The following COG5 variants were observed in gnomAD, a reference collection of about 807,000 sequenced individuals.
COG5 encodes conserved oligomeric Golgi complex subunit 5.
In COG5, 86 loss-of-function variants were observed where a neutral mutation model predicts 110.4. That is an observed-to-expected ratio of 0.78 (90% CI 0.65 to 0.93). The LOEUF is 0.93. Ranked by LOEUF, COG5 falls within the 40% of genes least tolerant of loss-of-function variation. COG5 has a pLI of 0.00. For synonymous variants in COG5, 360 were observed against 334.6 expected (o/e 1.08, Z -0.83); for missense variants, 1,077 against 987.0 (o/e 1.09, Z -1.22).
chr7:107,288,975 T>G (rs1204338409), intron 12 of COG5, among the ~76,000 whole-genome samples: 3 of 137,040 alleles, frequency 2.2e-5, no homozygotes, highest in Non-Finnish European at 3.1e-5. Flanking sequence ...TAAAAATTTA[T>G]CTATATTTTT....
At chr7:107,508,664 T>C (rs1000126125) in intron 6 of COG5, among the ~76,000 whole-genome samples, 19 of 152,068 alleles carry the variant, frequency 1.2e-4, no homozygotes, top group African/African-American at 4.1e-4. Context: ...CACGGCCGGG[T>C]ACTCCTCTGA....
intron 11 of COG5, among the ~76,000 whole-genome samples, chr7:107,309,046 G>A (rs778359460): frequency 6.8e-6 from 1 of 147,456 alleles, no homozygotes; most frequent in Non-Finnish European, 1.5e-5. Flanking sequence ...CACAACATAA[G>A]TGATAAAGGG....
At chr7:107,557,559 A>G (rs750319626) in intron 2 of COG5, among the ~76,000 whole-genome samples, 15 of 152,368 alleles carry the variant, frequency 9.8e-5, no homozygotes, top group Non-Finnish European at 1.9e-4. Context: ...CCTACTCACA[A>G]TAACATTTAT....
chr7:107,477,327 GACT>G (rs1296558138), intron 6 of COG5, among the ~76,000 whole-genome samples: 1 of 151,414 alleles, frequency 6.6e-6, no homozygotes, highest in Non-Finnish European at 1.5e-5. Context: ...ATAAAAATTA[GACT>G]ATTTTTAGAA....
chr7:107,302,385 G>C (rs1277780696), intron 11 of COG5, among the ~76,000 whole-genome samples: 1 of 152,110 alleles, frequency 6.6e-6, no homozygotes, highest in African/African-American at 2.4e-5. Context: ...GGAGATAGTG[G>C]AGACAGTAAT....
intron 17 of COG5, among the ~76,000 whole-genome samples, 177 bp from the exon 18 acceptor site, chr7:107,236,864 TAC>T (rs1801234125): frequency 6.6e-6 from 1 of 152,230 alleles, no homozygotes; most frequent in Non-Finnish European, 1.5e-5. Flanking sequence ...GTTTAAAAAT[TAC>T]ATTTCAAAAA....
chr7:107,514,914 T>C (rs1051155951), intron 6 of COG5, among the ~76,000 whole-genome samples: 4 of 152,106 alleles, frequency 2.6e-5, no homozygotes, highest in Non-Finnish European at 4.4e-5. Flanking sequence ...CCATGGATAT[T>C]ATCATCATCA....
At chr7:107,433,351 A>G (rs1262369938) in intron 6 of COG5, among the ~76,000 whole-genome samples, 1 of 152,192 alleles carries the variant, frequency 6.6e-6, no homozygotes, top group African/African-American at 2.4e-5. Context: ...AACGCATCCT[A>G]AAATTCATAT....
intron 19 of COG5, among the ~76,000 whole-genome samples, chr7:107,217,965 C>T (rs551221309): frequency 3.8e-4 from 57 of 151,914 alleles, no homozygotes; most frequent in Non-Finnish European, 7.4e-4. Context: ...ATATCCAAAA[C>T]CAAAAAGATA....
intron 18 of COG5, among the ~76,000 whole-genome samples, chr7:107,232,180 G>T (rs1351270705): frequency 6.6e-6 from 1 of 152,122 alleles, no homozygotes; most frequent in African/African-American, 2.4e-5. Context: ...AAAATGTAAG[G>T]AAGAAAAAGG....
At chr7:107,547,157 A>G (rs1171270237) in intron 5 of COG5, among the ~76,000 whole-genome samples, 1 of 152,246 alleles carries the variant, frequency 6.6e-6, no homozygotes, top group African/African-American at 2.4e-5. Flanking sequence ...TCAGTAGCAC[A>G]TTAGAAGAAT....
intron 19 of COG5, among the ~76,000 whole-genome samples, chr7:107,217,752 A>T (rs1799626427): frequency 6.6e-6 from 1 of 152,304 alleles, no homozygotes; most frequent in South Asian, 2.1e-4. Context: ...TACAGCTAAC[A>T]TTATACTCAA....
chr7:107,311,370 A>ATT lies in COG5; in HGVS notation c.1109-13026_1109-13025dup, dbSNP rs71134260. Among the ~76,000 whole-genome samples, 189 of 58,972 alleles carry ATT rather than the reference A, an allele frequency of 3.2e-3. 16 individuals carry two copies. Among genetic ancestry groups the ATT allele is most frequent in the East Asian group, 0.032 (50 of 1,582 alleles). The allele number at this position is 58,972 out of a possible 152,430, so 38.7% of individuals were successfully genotyped here. ...TATAAGTGATATCGAGCGTATTTAC[A>ATT]TTTTTTTTTTTTTTTTTTTTTTTTT... On this transcript the variant is annotated intron_variant, in intron 11 of 21. Coordinates refer to ENST00000297135, the MANE Select transcript of COG5 (RefSeq NM_006348.5).
chr7:107,530,980 C>T (rs1584937988), intron 5 of COG5, among the ~76,000 whole-genome samples: 1 of 152,256 alleles, frequency 6.6e-6, no homozygotes, highest in Middle Eastern at 3.4e-3. Flanking sequence ...TACTCCCTCC[C>T]AATGCCATTA....
intron 11 of COG5, among the ~76,000 whole-genome samples, chr7:107,307,503 T>C (rs568672487): frequency 1.3e-5 from 2 of 152,326 alleles, no homozygotes; most frequent in South Asian, 2.1e-4. Flanking sequence ...CTTGTTTTTA[T>C]CTATATCCTG....
intron 9 of COG5, 62 bp downstream of exon 9, chr7:107,362,246 C>A (rs774389948): frequency 2.8e-5 from 40 of 1,444,534 alleles, no homozygotes; most frequent in Non-Finnish European, 3.6e-5. Flanking sequence ...CAAGGTCACA[C>A]AATTTGGAAT....
chr7:107,477,171 A>G lies in COG5; in HGVS notation c.538+50066T>C, dbSNP rs150077886. Among the ~76,000 whole-genome samples the G allele has an allele frequency of 6.4e-3, 970 of 151,838 alleles. 4 individuals are homozygous for G. The highest frequency in any genetic ancestry group is 8.0e-3 in the Non-Finnish European group (543 of 67,692). ...TTCGTTTAGTAAATACATTTGGCAC[A>G]GACCAGCTCCTAATCTTCTTTTATT... is the stretch of plus-strand genomic sequence containing the variant. On this transcript the variant is annotated intron_variant, in intron 6 of 21. Transcript: ENST00000297135.
intron 6 of COG5, among the ~76,000 whole-genome samples, chr7:107,424,364 T>C (rs1793501880): frequency 6.6e-6 from 1 of 152,032 alleles, no homozygotes; most frequent in South Asian, 2.1e-4. Flanking sequence ...AGGTTTCACA[T>C]GGAAACTTTT....
intron 7 of COG5, among the ~76,000 whole-genome samples, chr7:107,378,912 A>G (rs555248807): frequency 4.4e-4 from 67 of 152,198 alleles, no homozygotes; most frequent in Non-Finnish European, 7.6e-4. Flanking sequence ...AAATTCAGGA[A>G]ATACAGAGAA....
Sources: gnomAD v4.1 joint callset for allele counts (sites outside exome capture counted in the v4.1 genomes callset) on GRCh38, gnomAD v4.1.1 for gene constraint, MANE v1.5 for transcripts, NCBI Gene and HGNC (gene_info 2026-07-23, HGNC 2026-07-21) for gene names.